The following ITGB7 variants were observed in gnomAD, a reference collection of about 807,000 sequenced individuals.
ITGB7 encodes the protein integrin subunit beta 7.
In ITGB7, 55 loss-of-function variants were observed where a neutral mutation model predicts 83.4. The ratio of observed to expected loss-of-function variants is 0.66; its 90% CI spans 0.53 to 0.83. The LOEUF (loss-of-function observed/expected upper bound fraction) is 0.83, where lower values mean the gene tolerates loss of function less well. ITGB7 is among the 40% of genes least tolerant of loss of function. The probability of loss-of-function intolerance (pLI) is 0.00; values close to 1 mark genes in which losing one functional copy is unlikely to be tolerated. For synonymous variants in ITGB7, 454 were observed against 423.6 expected, an observed-to-expected ratio of 1.07 and a Z score of -0.88; for missense variants, 921 against 1,046.7, an observed-to-expected ratio of 0.88 and a Z score of 1.66.
intron 12 of ITGB7, 69 bp from the exon 13 acceptor site, chr12:53,192,979 C>A (rs1565699059): frequency 2.0e-6 from 3 of 1,480,628 alleles, no homozygotes; most frequent in Admixed American, 1.8e-5. Flanking sequence ...TGTGGCACGA[C>A]AAGCCCACGC....
chr12:53,192,783 G>C lies in ITGB7; in HGVS notation c.1854C>G (p.Arg618=). 1 of 1,614,240 alleles carries C rather than the reference G, an allele frequency of 6.2e-7. No homozygotes were observed. The highest frequency in any genetic ancestry group is 8.5e-7 in the Non-Finnish European group (1 of 1,180,050). The change falls in exon 13 of 16, where the codon CGC becomes CGG. Residue 618 remains arginine, a synonymous_variant. Coordinates refer to ENST00000267082, the MANE Select transcript of ITGB7 (RefSeq NM_000889.3). The part of the protein sequence containing the change: ...PEGGLCSGHG[R]CKCNRCQCLD... ...AGCACTGGCAGCGGTTGCATTTGCA[G>C]CGTCCATGCCCACTGCAGAGCCCTC...
rs780363011 is a variant in ITGB7, at chr12:53,192,933, G to A, written c.1727-23C>T. 8 of 1,607,424 alleles carry A rather than the reference G, an allele frequency of 5.0e-6. No homozygotes were observed. In the South Asian group the frequency reaches 8.8e-5, roughly 18 times the overall value. On this transcript the variant is annotated intron_variant, in intron 12 of 15. Transcript: ENST00000267082. The stretch of plus-strand genomic sequence containing the variant: ...AGCCTGGGGTAGAGCCATGCAGAGG[G>A]TGACAACCATACTCCACACACACAG...
chr12:53,197,484 T>G lies in ITGB7; in HGVS notation c.574+9A>C, dbSNP rs1942205353. 1 of 1,614,058 alleles carries G rather than the reference T, an allele frequency of 6.2e-7. No homozygotes were observed. The highest frequency in any genetic ancestry group is 2.2e-5 in the East Asian group (1 of 44,872). On this transcript the variant is annotated intron_variant, in intron 5 of 15. Transcript: ENST00000267082. The stretch of plus-strand genomic sequence containing the variant: ...GGGCTAACAGGGCGGGAGGCAGCGC[T>G]CGGCTCACCAATGCGCACAGAATGG...
chr12:53,193,366 G>A lies in ITGB7; in HGVS notation c.1503-3C>T, dbSNP rs758588801. On this transcript the variant is annotated splice_polypyrimidine_tract_variant and splice_region_variant and intron_variant, in intron 11 of 15. Coordinates refer to ENST00000267082, the MANE Select transcript of ITGB7 (RefSeq NM_000889.3). ...GACCTAGGCGGCCAGGGGCACAGCT[G>A]GAAGGGGAAGGCAAAGGAGAGAAGT... is the stretch of plus-strand genomic sequence containing the variant. 5 of 1,565,836 alleles carry A rather than the reference G, an allele frequency of 3.2e-6. No individual in the cohort carries two copies. The South Asian group carries it at 5.9e-5, about 18-fold the overall frequency.
At chr12:53,203,687 AAAG>A (rs1170040781) in intron 1 of ITGB7, among the ~76,000 whole-genome samples, 2 of 151,448 alleles carry the variant, frequency 1.3e-5, no homozygotes, top group Non-Finnish European at 2.9e-5. Context: ...AAAGAAAAGA[AAAG>A]AAGAAGAAAA....
chr12:53,197,497 G>T lies in ITGB7; in HGVS notation c.570C>A (p.Arg190=). Residue 190 remains arginine (R), a synonymous_variant, in exon 5 of 16, where the codon CGC becomes CGA. Coordinates refer to ENST00000267082, the MANE Select transcript of ITGB7 (RefSeq NM_000889.3). ...VRLQEVTHSV[R]IGFGSFVDKT... ...GGGAGGCAGCGCTCGGCTCACCAATGCGCACAGAATGGGTGACTTCCTGCA... is the reference window on the plus strand; with the variant it reads ...GGGAGGCAGCGCTCGGCTCACCAATTCGCACAGAATGGGTGACTTCCTGCA... The T allele has an allele frequency of 6.2e-7, 1 of 1,614,162 alleles. No individual in the cohort carries two copies. The highest frequency in any genetic ancestry group is 8.5e-7 in the Non-Finnish European group (1 of 1,180,000).
Position 53,194,416 on chromosome 12 carries a change from C to T in ITGB7, c.1162-72G>A, listed in dbSNP as rs1942084910. On this transcript the variant is annotated intron_variant, in intron 9 of 15. Transcript: ENST00000267082. ...CTCCAACCCCACCTTATGTCCTCTC[C>T]AGGTGTTCCCAATTCTGCCAGCACC... The T allele has an allele frequency of 2.0e-6, 3 of 1,484,510 alleles. No homozygotes were observed. The Admixed American group carries it at 5.7e-5, about 28-fold the overall frequency. 92.0% of individuals were successfully genotyped at this position (1,484,510 alleles called of 1,614,324 possible). A position where few individuals can be genotyped will look rare whatever the true frequency, so the allele number is the denominator to read the frequency against.
At chr12:53,195,313 G>A (rs1349612579) in intron 9 of ITGB7, 61 bp downstream of exon 9, 1 of 1,223,380 alleles carries the variant, frequency 8.2e-7, no homozygotes, top group Admixed American at 1.7e-5. Flanking sequence ...CCACCCAAGG[G>A]CCCCTTTCCA....
At chr12:53,195,079 G>A in intron 9 of ITGB7, 1 of 368,760 alleles carries the variant, frequency 2.7e-6, no homozygotes, top group Non-Finnish European at 5.0e-6. Context: ...AAATGAAGTA[G>A]CAAACAGTAT....
At chr12:53,194,441 C>T in intron 9 of ITGB7, 97 bp from the exon 10 acceptor site, 5 of 1,282,096 alleles carry the variant, frequency 3.9e-6, no homozygotes, top group Non-Finnish European at 3.3e-6. Flanking sequence ...CTGCCAGCAC[C>T]CTGCCCTCTG....
At chr12:53,200,865 G>A (rs1399636066) in intron 2 of ITGB7, among the ~76,000 whole-genome samples, 1 of 151,064 alleles carries the variant, frequency 6.6e-6, no homozygotes, top group Non-Finnish European at 1.5e-5. Context: ...GGAGGCGGAG[G>A]TTGTAGTGAG....
intron 3 of ITGB7, among the ~76,000 whole-genome samples, chr12:53,200,018 CATA>C (rs1942286130): frequency 6.6e-6 from 1 of 152,192 alleles, no homozygotes; most frequent in Non-Finnish European, 1.5e-5. Context: ...TGGATACAGA[CATA>C]ATCCTAAGTG....
chr12:53,195,376 T>G lies in ITGB7; in HGVS notation c.1159A>C (p.Asn387His). ...NVVQLIMDAYNSLSSTVTLEH... is the reference protein window; with the variant it reads ...NVVQLIMDAYHSLSSTVTLEH... ...CTCCCCTTCCCCTGGCCCCTCACAT[T>G]ATAAGCATCCATGATGAGCTGTACC... is the stretch of plus-strand genomic sequence containing the variant. The change falls in exon 9 of 16, where the codon AAT becomes CAT. Residue 387 changes from asparagine to histidine, a missense_variant and splice_region_variant. Transcript: ENST00000267082. The G allele has an allele frequency of 6.2e-7, 1 of 1,609,322 alleles. No homozygotes were observed. Among genetic ancestry groups the G allele is most frequent in the Non-Finnish European group, 8.5e-7 (1 of 1,176,034 alleles).
Position 53,193,144 on chromosome 12 carries a change from G to T in ITGB7, c.1722C>A (p.Cys574Ter), listed in dbSNP as rs756246529. 1.2e-6 allele frequency: 2 copies of T among 1,607,434 alleles called. No individual in the cohort carries two copies. Among genetic ancestry groups the T allele is most frequent in the Non-Finnish European group, 1.7e-6 (2 of 1,174,956 alleles). The change falls in exon 12 of 16, where the codon TGC becomes TGA. Residue 574 changes from cysteine (C) to a stop codon, truncating the protein, a stop_gained. Coordinates refer to ENST00000267082, the MANE Select transcript of ITGB7 (RefSeq NM_000889.3). LOFTEE classifies it high-confidence loss of function. ...TCTCCCCAAGGCTCCAGGTACCTCC[G>T]CAGAGGATGCCCTCATGTCGCTCAC... The part of the protein sequence containing the change: ...ASCERHEGIL[C>*]GGFGRCQCGV...
intron 1 of ITGB7, among the ~76,000 whole-genome samples, chr12:53,203,541 G>A (rs538762421): frequency 6.6e-5 from 10 of 151,058 alleles, no homozygotes; most frequent in East Asian, 2.0e-4. Flanking sequence ...CCAGCTACTC[G>A]GGAAACTGAG....
Position 53,197,496 on chromosome 12 carries a change from T to G in ITGB7, c.571A>C (p.Ile191Leu). The change falls in exon 5 of 16, where the codon ATT becomes CTT. Residue 191 changes from isoleucine (I) to leucine (L), a missense_variant. Transcript: ENST00000267082. ...CGGGAGGCAGCGCTCGGCTCACCAA[T>G]GCGCACAGAATGGGTGACTTCCTGC... ...RLQEVTHSVR[I>L]GFGSFVDKTV... 2 of 1,614,098 alleles carry G rather than the reference T, an allele frequency of 1.2e-6. No homozygotes were observed. Among genetic ancestry groups the G allele is most frequent in the Non-Finnish European group, 1.7e-6 (2 of 1,179,978 alleles).
rs1290198249 is a variant in ITGB7, at chr12:53,191,618, T to C, written c.2335A>G (p.Lys779Glu). The C allele has an allele frequency of 6.2e-7, 1 of 1,613,586 alleles. No individual in the cohort carries two copies. Among genetic ancestry groups the C allele is most frequent in the Admixed American group, 1.7e-5 (1 of 60,014 alleles). Reference sequence around the variant, plus strand: ...TTGATGGTGGTCGTGATGGCACTTTTGTAGAGAGGATTACTGTCCTGGAGA... The same window carrying C: ...TTGATGGTGGTCGTGATGGCACTTTCGTAGAGAGGATTACTGTCCTGGAGA... ...NWKQDSNPLYKSAITTTINPR... is the reference protein window; with the variant it reads ...NWKQDSNPLYESAITTTINPR... Residue 779 changes from lysine to glutamate, a missense_variant, in exon 16 of 16, where the codon AAA becomes GAA. Physicochemically the swap from Lys to Glu is moderately conservative, Grantham distance 56. Coordinates refer to ENST00000267082, the MANE Select transcript of ITGB7 (RefSeq NM_000889.3).
At position 53,197,558 on chromosome 12, in the gene ITGB7, C is replaced by A. The variant is rs754808257; in HGVS notation, c.509G>T (p.Arg170Leu). The A allele has an allele frequency of 2.5e-6, 4 of 1,614,188 alleles. No homozygotes were observed. Among genetic ancestry groups the A allele is most frequent in the Non-Finnish European group, 3.4e-6 (4 of 1,180,024 alleles). The change falls in exon 5 of 16, where the codon CGC (arginine) becomes CTC (leucine). Residue 170 changes from arginine (R) to leucine (L), a missense_variant. By Grantham distance (102) the Arg-to-Leu change is moderately radical. Transcript: ENST00000267082. ...CAGAGCGTGCCCGAGCTGGCGCACGCGTTCCAGGTCGTCCTTCATGGAGTA... is the reference window on the plus strand; with the variant it reads ...CAGAGCGTGCCCGAGCTGGCGCACGAGTTCCAGGTCGTCCTTCATGGAGTA... ...LSYSMKDDLERVRQLGHALLV... is the reference protein window; with the variant it reads ...LSYSMKDDLELVRQLGHALLV...
Position 53,192,238 on chromosome 12 carries a change from C to CA in ITGB7, c.2155+91dup. 4 of 1,391,650 alleles carry CA rather than the reference C, an allele frequency of 2.9e-6. No homozygotes were observed. The South Asian group carries it at 4.8e-5, about 17-fold the overall frequency. 86.2% of individuals were successfully genotyped at this position (1,391,650 alleles called of 1,614,324 possible). A position where few individuals can be genotyped will look rare whatever the true frequency, so the allele number is the denominator to read the frequency against. ...GGATTCACAGTTCTGCTTCAGCCCC[C>CA]AGCCTGTTTCCCATTATCTTCACTC... On this transcript the variant is annotated intron_variant, in intron 14 of 15. Coordinates refer to ENST00000267082, the MANE Select transcript of ITGB7 (RefSeq NM_000889.3).
Sources: gnomAD v4.1 joint callset for allele counts (sites outside exome capture counted in the v4.1 genomes callset) on GRCh38, gnomAD v4.1.1 for gene constraint, MANE v1.5 for transcripts, NCBI Gene and HGNC (gene_info 2026-07-23, HGNC 2026-07-21) for gene names.